Variants in PTPRK observed in about 807,000 individuals in gnomAD.
PTPRK encodes receptor-type tyrosine-protein phosphatase kappa.
Under a neutral mutation model 178.0 loss-of-function variants are expected in PTPRK, and 75 were observed. The ratio of observed to expected loss-of-function variants is 0.42; its 90% CI spans 0.35 to 0.51. The LOEUF (loss-of-function observed/expected upper bound fraction) is 0.51. PTPRK is among the 20% of genes least tolerant of loss of function. PTPRK has a pLI of 0.02. For missense variants in PTPRK, 1,441 were observed against 1,797.8 expected (o/e 0.80, Z 3.59); for synonymous variants, 637 against 620.6 (o/e 1.03, Z -0.39).
At chr6:128,447,439 C>G (rs953494631) in intron 1 of PTPRK, among the ~76,000 whole-genome samples, 9 of 152,180 alleles carry the variant, frequency 5.9e-5, no homozygotes, top group Admixed American at 2.0e-4. Context: ...TTTTTTATCT[C>G]TAATTTACAG....
intron 7 of PTPRK, among the ~76,000 whole-genome samples, chr6:128,174,446 TA>T (rs763229011): frequency 2.0e-3 from 306 of 151,910 alleles, no homozygotes; most frequent in Non-Finnish European, 2.9e-3. Context: ...ACAGATAAAA[TA>T]AACATAAATA....
At chr6:128,236,306 G>C (rs1414994584) in intron 5 of PTPRK, among the ~76,000 whole-genome samples, 1 of 145,224 alleles carries the variant, frequency 6.9e-6, no homozygotes, top group Non-Finnish European at 1.5e-5. Context: ...TAATCTGGAA[G>C]TTCTCTAAGG....
At chr6:128,336,365 G>T (rs1274721292) in intron 2 of PTPRK, among the ~76,000 whole-genome samples, 1 of 152,084 alleles carries the variant, frequency 6.6e-6, no homozygotes, top group Non-Finnish European at 1.5e-5. Context: ...GGGGTGTACT[G>T]TAGAAACTAA....
intron 6 of PTPRK, among the ~76,000 whole-genome samples, chr6:128,211,682 G>A (rs149709721): frequency 0.014 from 2,148 of 152,068 alleles, 19 homozygotes; most frequent in African/African-American, 0.03. Context: ...ATATTAGCTA[G>A]CTTTTTAAAA....
chr6:128,201,400 C>T (rs530138875), intron 6 of PTPRK, among the ~76,000 whole-genome samples: 8 of 152,310 alleles, frequency 5.3e-5, no homozygotes, highest in Admixed American at 1.3e-4. Context: ...GAGTGCACAT[C>T]CATGCACATG....
At chr6:128,021,510 C>A (rs1400541002) in intron 13 of PTPRK, among the ~76,000 whole-genome samples, 1 of 152,148 alleles carries the variant, frequency 6.6e-6, no homozygotes, top group East Asian at 1.9e-4. Context: ...GTGGTGGGCG[C>A]CTGTAGTCCC....
chr6:128,498,618 T>G (rs923866038), intron 1 of PTPRK, among the ~76,000 whole-genome samples: 7 of 152,320 alleles, frequency 4.6e-5, no homozygotes, highest in Admixed American at 4.6e-4. Flanking sequence ...ACTCAAAGTC[T>G]TCAGGATATA....
chr6:128,386,856 T>C (rs1404334757), intron 2 of PTPRK, among the ~76,000 whole-genome samples: 1 of 152,050 alleles, frequency 6.6e-6, no homozygotes, highest in East Asian at 1.9e-4. Context: ...TCACATAAGA[T>C]CAGGAGTTTG....
Position 128,365,150 on chromosome 6 carries a change from A to G in PTPRK, c.223+32416T>C, listed in dbSNP as rs140605130. Among the ~76,000 whole-genome samples the G allele has an allele frequency of 9.1e-3, 1,391 of 152,212 alleles. 33 individuals carry two copies. Among genetic ancestry groups the G allele is most frequent in the African/African-American group, 0.032 (1,323 of 41,560 alleles). ...ATTTCTTGGAAGTCTGTAGTGTCCT[A>G]CAGAATCTAGCACAATATACAACAC... On this transcript the variant is annotated intron_variant, in intron 2 of 29. Coordinates refer to ENST00000368226, the MANE Select transcript of PTPRK (RefSeq NM_002844.4).
intron 13 of PTPRK, among the ~76,000 whole-genome samples, chr6:128,057,256 T>A (rs954193456): frequency 6.6e-6 from 1 of 152,224 alleles, no homozygotes; most frequent in African/African-American, 2.4e-5. Flanking sequence ...ACACTTGATA[T>A]AGATATTGTA....
intron 7 of PTPRK, among the ~76,000 whole-genome samples, chr6:128,102,968 C>T (rs1293307049): frequency 6.6e-6 from 1 of 152,142 alleles, no homozygotes; most frequent in East Asian, 1.9e-4. Context: ...AGCCTGGAAA[C>T]ACGTGGCCCT....
intron 3 of PTPRK, among the ~76,000 whole-genome samples, chr6:128,256,189 A>T (rs1016934309): frequency 3.9e-5 from 6 of 152,322 alleles, no homozygotes; most frequent in Admixed American, 3.9e-4. Context: ...TATATGTGAT[A>T]AAGCAGAGTT....
chr6:128,173,806 G>A (rs886671912), intron 7 of PTPRK, among the ~76,000 whole-genome samples: 1 of 151,986 alleles, frequency 6.6e-6, no homozygotes, highest in Non-Finnish European at 1.5e-5. Context: ...TGCTTAGACT[G>A]AAGTAGCAGC....
At chr6:127,980,167 GTGCATGGTGGTGCA>G (rs1562374635) in intron 25 of PTPRK, among the ~76,000 whole-genome samples, 1 of 152,130 alleles carries the variant, frequency 6.6e-6, no homozygotes, top group Non-Finnish European at 1.5e-5. Context: ...AAAATTAGCC[GTGCATGGTGGTGCA>G]TGCCTGTAGT....
At chr6:128,110,411 C>T (rs919051764) in intron 7 of PTPRK, among the ~76,000 whole-genome samples, 2 of 151,892 alleles carry the variant, frequency 1.3e-5, no homozygotes, top group Non-Finnish European at 1.5e-5. Context: ...AAGTAGTAGC[C>T]GACGTTTCAT....
intron 25 of PTPRK, among the ~76,000 whole-genome samples, chr6:127,979,151 C>T (rs1436307983): frequency 1.3e-5 from 2 of 152,150 alleles, no homozygotes; most frequent in African/African-American, 2.4e-5. Context: ...ATGGCATACA[C>T]CTTAGTTCTA....
intron 1 of PTPRK, among the ~76,000 whole-genome samples, chr6:128,460,671 C>A (rs1034974493): frequency 4.6e-5 from 7 of 152,126 alleles, no homozygotes; most frequent in African/African-American, 1.7e-4. Flanking sequence ...CTAGAAAATT[C>A]TTTATTTTGG....
Position 128,302,507 on chromosome 6 carries a change from G to A in PTPRK, c.495+19532C>T, listed in dbSNP as rs184757117. Among the ~76,000 whole-genome samples, 1,273 of 150,124 alleles carry A rather than the reference G, an allele frequency of 8.5e-3. 19 individuals are homozygous for A. Among genetic ancestry groups the A allele is most frequent in the Admixed American group, 0.035 (533 of 15,080 alleles). On this transcript the variant is annotated intron_variant, in intron 3 of 29. Coordinates refer to ENST00000368226, the MANE Select transcript of PTPRK (RefSeq NM_002844.4). ...TACTCAAAACATGCATTTGGAAGAA[G>A]TTAAAACCAGTCTTCTAGGCTAAAG...
chr6:128,101,252 C>T (rs1788723780), intron 7 of PTPRK, among the ~76,000 whole-genome samples: 1 of 152,060 alleles, frequency 6.6e-6, no homozygotes, highest in Non-Finnish European at 1.5e-5. Context: ...TCCAACCTAG[C>T]TCTTGAATTC....
Sources: allele counts gnomAD v4.1 joint callset (sites outside exome capture counted in the v4.1 genomes callset), GRCh38; gene constraint gnomAD v4.1.1; transcripts MANE v1.5; gene names NCBI Gene and HGNC (gene_info 2026-07-23, HGNC 2026-07-21).